The following UBE2W variants were observed in gnomAD, a reference collection of about 807,000 sequenced individuals.
UBE2W encodes the protein ubiquitin-conjugating enzyme E2 W.
A neutral mutation model predicts 27.2 loss-of-function variants in UBE2W; 18 were observed. The ratio of observed to expected loss-of-function variants is 0.66; its 90% CI spans 0.46 to 0.98. The LOEUF is 0.98. UBE2W is among the 50% of genes least tolerant of loss of function. UBE2W has a pLI of 0.00. For synonymous variants in UBE2W, 53 were observed against 57.2 expected (o/e 0.93, Z 0.33); for missense variants, 90 against 180.2 (o/e 0.50, Z 2.87).
In UBE2W at chr8:73,788,147, T is replaced by G; in HGVS notation, c.*5955A>C. On this transcript the variant is annotated 3_prime_UTR_variant, in exon 6 of 6. Transcript: ENST00000602593. ...AAAAAATCCAATAACAACTGCTTTA[T>G]TATTAAAAGTTATGAAATTCCATAA... 1.0e-6 allele frequency: 1 copy of G among 979,896 alleles called. No individual in the cohort carries two copies. The highest frequency in any genetic ancestry group is 1.2e-6 in the Non-Finnish European group (1 of 824,906). The allele number at this position is 979,896 out of a possible 1,614,324, so 60.7% of individuals were successfully genotyped here.
chr8:73,812,966 C>T (rs139244711), intron 3 of UBE2W, among the ~76,000 whole-genome samples: 4,916 of 150,160 alleles, frequency 0.033, 128 homozygotes, highest in East Asian at 0.13. Flanking sequence ...GATCGCACCA[C>T]CGCACTCCAG....
intron 1 of UBE2W, chr8:73,831,199 TG>T: frequency 9.1e-6 from 4 of 440,858 alleles, no homozygotes; most frequent in South Asian, 2.2e-5. Context: ...GTGGCTTTCC[TG>T]GAGAATCTGC....
At chr8:73,822,522 G>A (rs781047623) in intron 3 of UBE2W, among the ~76,000 whole-genome samples, 13 of 146,220 alleles carry the variant, frequency 8.9e-5, no homozygotes, top group African/African-American at 2.5e-4. Flanking sequence ...CCAGACATTC[G>A]AGCTGGCAAC....
chr8:73,876,320 TAGTC>T (rs1371048333), intron 1 of UBE2W, among the ~76,000 whole-genome samples: 1 of 152,094 alleles, frequency 6.6e-6, no homozygotes, highest in African/African-American at 2.4e-5. Context: ...GCCATTAAGA[TAGTC>T]AGGATATAAA....
intron 5 of UBE2W, chr8:73,796,490 A>G (rs1231636897): frequency 9.3e-6 from 2 of 216,154 alleles, no homozygotes; most frequent in African/African-American, 4.7e-5. Context: ...TTCATTGCAG[A>G]AGGTTTTTAG....
At chr8:73,839,963 T>C (rs1394345200) in intron 1 of UBE2W, among the ~76,000 whole-genome samples, 3 of 152,084 alleles carry the variant, frequency 2.0e-5, no homozygotes, top group Non-Finnish European at 4.4e-5. Flanking sequence ...CTCGAACTCC[T>C]GGCCTCCAGT....
At chr8:73,876,300 G>A (rs7817049) in intron 1 of UBE2W, among the ~76,000 whole-genome samples, 3,490 of 151,916 alleles carry the variant, frequency 0.023, 138 homozygotes, top group African/African-American at 0.081. Context: ...TCTTAAAAGA[G>A]CCAAATGTTG....
intron 5 of UBE2W, among the ~76,000 whole-genome samples, chr8:73,800,157 TAAAAGTGAAGGAAAA>T (rs1390163605): frequency 3.3e-5 from 5 of 151,498 alleles, no homozygotes; most frequent in Non-Finnish European, 7.4e-5. Flanking sequence ...ATTAGCTTTT[TAAAAGTGAAGGAAAA>T]AAAAGTGAAG....
chr8:73,829,748 G>A lies in UBE2W; in HGVS notation c.107+633C>T, dbSNP rs73338473. ...TGGTCACTTTCACTCCCTGGACCTA[G>A]ACTACACTAAATATTTGAATTGGCT... On this transcript the variant is annotated intron_variant, in intron 2 of 5. Transcript: ENST00000602593. Among the ~76,000 whole-genome samples, 576 of 152,164 alleles carry A rather than the reference G, an allele frequency of 3.8e-3. 3 individuals carry two copies. The highest frequency in any genetic ancestry group is 0.012 in the African/African-American group (498 of 41,518).
At chr8:73,794,961 C>T (rs943337915) in intron 5 of UBE2W, among the ~76,000 whole-genome samples, 4 of 149,986 alleles carry the variant, frequency 2.7e-5, no homozygotes, top group African/African-American at 9.8e-5. Context: ...TTAATAATAA[C>T]TTCTGGTAGC....
downstream of UBE2W, among the ~76,000 whole-genome samples, chr8:73,785,199 T>G (rs1052199642): frequency 1.3e-5 from 2 of 152,186 alleles, no homozygotes; most frequent in African/African-American, 4.8e-5. Context: ...CAGGCTGGAG[T>G]GCAGTGTGTG....
At chr8:73,805,555 A>G in intron 5 of UBE2W, 96 bp downstream of exon 5, 1 of 603,606 alleles carries the variant, frequency 1.7e-6, no homozygotes, top group Non-Finnish European at 2.6e-6. Context: ...TATAACACCA[A>G]TTATAGCTTC....
intron 1 of UBE2W, among the ~76,000 whole-genome samples, chr8:73,834,614 TAAC>T (rs760469403): frequency 5.9e-5 from 9 of 151,976 alleles, no homozygotes; most frequent in Non-Finnish European, 1.0e-4. Flanking sequence ...TTGTCTCTAA[TAAC>T]ATTAAACAAG....
chr8:73,847,365 G>A (rs186002437), intron 1 of UBE2W, among the ~76,000 whole-genome samples: 24 of 152,252 alleles, frequency 1.6e-4, no homozygotes, highest in Non-Finnish European at 1.3e-4. Context: ...AGGTATGTAC[G>A]GGAACTGAAG....
rs554905150 is a variant in UBE2W at position 73,811,304 on chromosome 8, C to G, written c.211-675G>C. Among the ~76,000 whole-genome samples the G allele has an allele frequency of 7.9e-5, 12 of 152,264 alleles. 1 individual carries two copies. In the South Asian group the frequency reaches 2.1e-3, roughly 26 times the overall value. ...GTAACACTGTTTTTCCTTTCTCTAT[C>G]ATGTCTCAGCAATGTTTTGAATGGT... On this transcript the variant is annotated intron_variant, in intron 3 of 5. Coordinates refer to ENST00000602593, the MANE Select transcript of UBE2W (RefSeq NM_018299.6).
At chr8:73,822,770 C>T (rs1191448009) in intron 3 of UBE2W, among the ~76,000 whole-genome samples, 1 of 151,734 alleles carries the variant, frequency 6.6e-6, no homozygotes, top group East Asian at 1.9e-4. Flanking sequence ...GGTGACAAAG[C>T]GAGACGCTGT....
At chr8:73,849,427 G>A (rs1461126179) in intron 1 of UBE2W, among the ~76,000 whole-genome samples, 4 of 141,214 alleles carry the variant, frequency 2.8e-5, no homozygotes, top group Non-Finnish European at 6.0e-5. Context: ...CAGGATAATA[G>A]CTTGAACAGC....
chr8:73,794,535 G>A (rs1218477017), intron 5 of UBE2W, among the ~76,000 whole-genome samples: 1 of 152,138 alleles, frequency 6.6e-6, no homozygotes, highest in Non-Finnish European at 1.5e-5. Context: ...GACTGTGAAG[G>A]AAGTAACTGT....
chr8:73,788,891 TAA>T lies in UBE2W; in HGVS notation c.*5209_*5210del. Reference sequence around the variant, plus strand: ...TAAAACTGGAGTTCTTGAGGTATGTTAAGATAGATCAGCTTCTATTCAGGCAT... The same window carrying T: ...TAAAACTGGAGTTCTTGAGGTATGTTGATAGATCAGCTTCTATTCAGGCAT... On this transcript the variant is annotated 3_prime_UTR_variant, in exon 6 of 6. Transcript: ENST00000602593. 1 of 985,330 alleles carries T rather than the reference TAA, an allele frequency of 1.0e-6. No homozygotes were observed. Among genetic ancestry groups the T allele is most frequent in the Non-Finnish European group, 1.2e-6 (1 of 829,882 alleles). The allele number at this position is 985,330 out of a possible 1,614,324, so 61.0% of individuals were successfully genotyped here. A position where few individuals can be genotyped will look rare whatever the true frequency, so the allele number is the denominator to read the frequency against.
Sources: gnomAD v4.1 joint callset for allele counts (sites outside exome capture counted in the v4.1 genomes callset) on GRCh38, gnomAD v4.1.1 for gene constraint, MANE v1.5 for transcripts, NCBI Gene and HGNC (gene_info 2026-07-23, HGNC 2026-07-21) for gene names.